CACNA1D: variants seen among roughly 807,000 people sequenced by gnomAD.
CACNA1D encodes calcium voltage-gated channel subunit alpha1 D, also known as voltage-dependent L-type calcium channel subunit alpha-1D.
Under a neutral mutation model 257.1 loss-of-function variants are expected in CACNA1D, and 55 were observed. The observed-to-expected ratio is 0.21, with a 90% confidence interval of 0.17 to 0.27. The LOEUF (loss-of-function observed/expected upper bound fraction) is 0.27, where lower values mean the gene tolerates loss of function less well. CACNA1D is among the 10% of genes least tolerant of loss of function. CACNA1D has a pLI of 1.00. For missense variants in CACNA1D, 1,876 were observed against 2,784.0 expected (o/e 0.67, Z 7.34); for synonymous variants, 980 against 1,014.9 (o/e 0.97, Z 0.65).
intron 4 of CACNA1D, among the ~76,000 whole-genome samples, chr3:53,658,186 G>C (rs1029178164): frequency 7.0e-6 from 1 of 143,684 alleles, no homozygotes; most frequent in Non-Finnish European, 1.5e-5. Flanking sequence ...CTTCAGGCCC[G>C]TGGCACTTTT....
intron 3 of CACNA1D, among the ~76,000 whole-genome samples, chr3:53,612,473 T>A (rs2093593740): frequency 6.6e-6 from 1 of 152,234 alleles, no homozygotes; most frequent in African/African-American, 2.4e-5. Flanking sequence ...ATCTTTTGAC[T>A]CTGATAGTTG....
chr3:53,705,750 C>G (rs1007447252), intron 9 of CACNA1D, among the ~76,000 whole-genome samples: 1 of 152,208 alleles, frequency 6.6e-6, no homozygotes, highest in Admixed American at 6.5e-5. Context: ...GTCTCCTCCT[C>G]CTCTGAGGAG....
Position 53,722,470 on chromosome 3 carries a change from T to A in CACNA1D, c.1662T>A (p.Ile554=). ...HYNQPDWLTQ[I]QDIANKVLLA... is the part of the protein sequence containing the mutation. ...ATCAGCCAGATTGGTTGACACAGAT[T>A]CAAGGTACAAGCAGAGGCCATTCCT... is the stretch of plus-strand genomic sequence containing the variant. Residue 554 remains isoleucine, a synonymous_variant, in exon 12 of 48, where the codon ATT becomes ATA. Transcript: ENST00000350061. 1 of 1,614,106 alleles carries A rather than the reference T, an allele frequency of 6.2e-7. No individual in the cohort carries two copies. Among genetic ancestry groups the A allele is most frequent in the Non-Finnish European group, 8.5e-7 (1 of 1,180,016 alleles).
chr3:53,643,984 G>C (rs1364440037), intron 3 of CACNA1D, among the ~76,000 whole-genome samples: 1 of 152,218 alleles, frequency 6.6e-6, no homozygotes, highest in Non-Finnish European at 1.5e-5. Context: ...AGGGGGCGCT[G>C]GTATCATAGA....
intron 11 of CACNA1D, among the ~76,000 whole-genome samples, chr3:53,722,054 G>A (rs1259871688): frequency 6.6e-6 from 1 of 152,196 alleles, no homozygotes; most frequent in Non-Finnish European, 1.5e-5. Flanking sequence ...ACAGATTCTG[G>A]AGTTATCTAT....
intron 40 of CACNA1D, among the ~76,000 whole-genome samples, chr3:53,787,575 T>A (rs533461705): frequency 6.6e-6 from 1 of 152,074 alleles, no homozygotes; most frequent in Non-Finnish European, 1.5e-5. Flanking sequence ...CTCCTCCACC[T>A]GGGCCCTGCT....
Position 53,637,942 on chromosome 3 carries a change from G to T in CACNA1D, c.484-12837G>T, listed in dbSNP as rs1293647390. ...AATCTTCTGTGTAAATATCTCAAACGCTGTGTCTTAATTATAGACTCCATA... is the reference window on the plus strand; with the variant it reads ...AATCTTCTGTGTAAATATCTCAAACTCTGTGTCTTAATTATAGACTCCATA... On this transcript the variant is annotated intron_variant, in intron 3 of 47. Coordinates refer to ENST00000350061, the MANE Select transcript of CACNA1D (RefSeq NM_001128840.3). 4.6e-5 allele frequency among the ~76,000 whole-genome samples: 7 copies of T among 152,214 alleles called. No individual in the cohort carries two copies. In the East Asian group the frequency reaches 5.8e-4, roughly 13 times the overall value.
intron 4 of CACNA1D, among the ~76,000 whole-genome samples, chr3:53,659,582 T>C (rs1225089477): frequency 6.6e-6 from 1 of 152,258 alleles, no homozygotes; most frequent in Non-Finnish European, 1.5e-5. Flanking sequence ...AGACTAAAAC[T>C]CCTTGCTGTT....
chr3:53,639,418 G>C (rs1280419463), intron 3 of CACNA1D, among the ~76,000 whole-genome samples: 1 of 150,100 alleles, frequency 6.7e-6, no homozygotes, highest in Non-Finnish European at 1.5e-5. Context: ...ATGGAGTCTC[G>C]CTCTGTCAAC....
Position 53,499,385 on chromosome 3 carries a change from C to G in CACNA1D, c.377+1924C>G, listed in dbSNP as rs370919567. 9.2e-5 allele frequency among the ~76,000 whole-genome samples: 14 copies of G among 152,092 alleles called. No homozygotes were observed. The East Asian group carries it at 2.5e-3, about 27-fold the overall frequency. ...GCAGGCTATAGAAATCCTTTCCACC[C>G]CGGGCAGCTCTGTCAAGGCCCCATC... On this transcript the variant is annotated intron_variant, in intron 2 of 47. Transcript: ENST00000350061.
chr3:53,802,045 A>C, intron 42 of CACNA1D, 102 bp from the exon 43 acceptor site: 9 of 1,015,740 alleles, frequency 8.9e-6, no homozygotes, highest in South Asian at 6.3e-5. Flanking sequence ...ATAATTTGCT[A>C]ACCCCTACTC....
At chr3:53,708,714 A>G (rs1318633344) in intron 9 of CACNA1D, among the ~76,000 whole-genome samples, 1 of 152,216 alleles carries the variant, frequency 6.6e-6, no homozygotes, top group African/African-American at 2.4e-5. Context: ...TATGGAAGTA[A>G]TATTTGCCTA....
chr3:53,776,671 G>A lies in CACNA1D; in HGVS notation c.4431G>A (p.Leu1477=). ...ATCTGACCCGGGACTGGTCTATTTT[G>A]GGGCCTCACCATTTAGATGAATTCA... ...FDYLTRDWSI[L]GPHHLDEFKR... Residue 1477 remains leucine, a synonymous_variant, in exon 36 of 48, where the codon TTG becomes TTA. Transcript: ENST00000350061. 2 of 1,614,128 alleles carry A rather than the reference G, an allele frequency of 1.2e-6. No homozygotes were observed. Among genetic ancestry groups the A allele is most frequent in the Non-Finnish European group, 1.7e-6 (2 of 1,179,978 alleles).
intron 3 of CACNA1D, among the ~76,000 whole-genome samples, chr3:53,628,045 A>T (rs943300816): frequency 2.0e-5 from 3 of 152,098 alleles, no homozygotes; most frequent in Non-Finnish European, 4.4e-5. Flanking sequence ...ATAAAATAAA[A>T]TAAAATGAGG....
intron 7 of CACNA1D, among the ~76,000 whole-genome samples, chr3:53,666,774 T>G (rs1438988381): frequency 8.5e-5 from 13 of 152,186 alleles, no homozygotes. Flanking sequence ...TACTTCCCAG[T>G]GCTGCCTGAA....
intron 3 of CACNA1D, among the ~76,000 whole-genome samples, chr3:53,525,235 C>T (rs1261793280): frequency 6.6e-6 from 1 of 152,148 alleles, no homozygotes; most frequent in Non-Finnish European, 1.5e-5. Context: ...GCAGTGAGAT[C>T]TCACTTGCCT....
chr3:53,796,375 G>GCA (rs1283582315), intron 40 of CACNA1D: 1 of 455,996 alleles, frequency 2.2e-6, no homozygotes. Flanking sequence ...CTAGAGACAT[G>GCA]CATCTCTTAT....
At chr3:53,646,862 G>C (rs1031735405) in intron 3 of CACNA1D, among the ~76,000 whole-genome samples, 1 of 152,194 alleles carries the variant, frequency 6.6e-6, no homozygotes, top group Non-Finnish European at 1.5e-5. Context: ...GCACTAATAA[G>C]AGGATTCTTA....
chr3:53,500,540 T>C (rs2090556948), intron 2 of CACNA1D, among the ~76,000 whole-genome samples: 1 of 152,216 alleles, frequency 6.6e-6, no homozygotes, highest in Non-Finnish European at 1.5e-5. Flanking sequence ...GAATAGTCTG[T>C]TCGTATGCTC....
Sources: gnomAD v4.1 joint callset for allele counts (sites outside exome capture counted in the v4.1 genomes callset) on GRCh38, gnomAD v4.1.1 for gene constraint, MANE v1.5 for transcripts, NCBI Gene and HGNC (gene_info 2026-07-23, HGNC 2026-07-21) for gene names.